AGMO: variants seen among roughly 807,000 people sequenced by gnomAD.
AGMO encodes glyceryl-ether monooxygenase.
A neutral mutation model predicts 60.2 loss-of-function variants in AGMO; 75 were observed. That is an observed-to-expected ratio of 1.25 (90% confidence interval 1.03 to 1.51). The LOEUF (loss-of-function observed/expected upper bound fraction) is 1.51, where lower values mean the gene tolerates loss of function less well. Among genes scored for constraint, AGMO ranks in the 40% most tolerant of loss-of-function variants. The pLI, the probability that AGMO is intolerant of heterozygous loss-of-function variation, is 0.00. For synonymous variants in AGMO, 261 were observed against 177.1 expected, an observed-to-expected ratio of 1.47 and a Z score of -3.76; for missense variants, 763 against 525.5, an observed-to-expected ratio of 1.45 and a Z score of -4.42.
chr7:15,413,045 T>G (rs982186944), intron 5 of AGMO, among the ~76,000 whole-genome samples: 1 of 152,150 alleles, frequency 6.6e-6, no homozygotes, highest in African/African-American at 2.4e-5. Flanking sequence ...GAACCAGATA[T>G]TGGAATTAGC....
At chr7:15,164,215 C>G in the AGMO span, among the ~76,000 whole-genome samples, 1 of 152,016 alleles carries the variant, frequency 6.6e-6, no homozygotes. Flanking sequence ...AGCTTGACCC[C>G]TATCTCTCAC....
At chr7:15,301,512 T>A (rs970737160) in intron 12 of AGMO, among the ~76,000 whole-genome samples, 3 of 151,986 alleles carry the variant, frequency 2.0e-5, no homozygotes, top group African/African-American at 2.4e-5. Flanking sequence ...TGTTTTTTTT[T>A]AAACCAACTA....
At chr7:15,422,277 A>ATT (rs140049520) in intron 4 of AGMO, among the ~76,000 whole-genome samples, 1 of 150,806 alleles carries the variant, frequency 6.6e-6, no homozygotes, top group Non-Finnish European at 1.5e-5. Flanking sequence ...TTACCTGTTT[A>ATT]TTTTTTTTTA....
chr7:15,356,175 C>T (rs1333590558), intron 12 of AGMO, among the ~76,000 whole-genome samples: 1 of 152,154 alleles, frequency 6.6e-6, no homozygotes, highest in African/African-American at 2.4e-5. Context: ...AGCACATTTG[C>T]TACAATCCAG....
chr7:15,303,436 GA>G (rs141119048), intron 12 of AGMO, among the ~76,000 whole-genome samples: 15 of 147,938 alleles, frequency 1.0e-4, no homozygotes, highest in East Asian at 4.0e-4. Flanking sequence ...TGGAAAAACA[GA>G]AAAAAAAAAG....
At chr7:15,382,488 G>T (rs1432105177) in intron 10 of AGMO, among the ~76,000 whole-genome samples, 10 of 152,142 alleles carry the variant, frequency 6.6e-5, no homozygotes, top group Admixed American at 6.5e-4. Flanking sequence ...GGCATGAAAG[G>T]AAGTTCGCTC....
At chr7:15,292,392 G>A (rs1305931819) in intron 12 of AGMO, among the ~76,000 whole-genome samples, 2 of 152,280 alleles carry the variant, frequency 1.3e-5, no homozygotes, top group Non-Finnish European at 1.5e-5. Flanking sequence ...CTAGTGGGCT[G>A]AATGGCTGAC....
intron 12 of AGMO, among the ~76,000 whole-genome samples, chr7:15,339,505 G>A (rs945205264): frequency 4.6e-5 from 7 of 152,194 alleles, no homozygotes; most frequent in African/African-American, 1.7e-4. Flanking sequence ...CTGGAATTAT[G>A]TCAGAAGAGT....
At chr7:15,143,720 A>T in the AGMO span, among the ~76,000 whole-genome samples, 1 of 150,796 alleles carries the variant, frequency 6.6e-6, no homozygotes, top group South Asian at 2.1e-4. Flanking sequence ...AAACACATGT[A>T]AAACATATAC....
At chr7:15,450,304 C>T (rs1781824009) in intron 3 of AGMO, among the ~76,000 whole-genome samples, 1 of 151,506 alleles carries the variant, frequency 6.6e-6, no homozygotes, top group Non-Finnish European at 1.5e-5. Flanking sequence ...CATGTAGTCC[C>T]AGCGACTCGG....
chr7:15,197,100 C>T (rs1781137848), downstream of AGMO, among the ~76,000 whole-genome samples: 1 of 151,802 alleles, frequency 6.6e-6, no homozygotes. Context: ...AGCCAAGCTG[C>T]TTCCATCATG....
At chr7:15,202,235 G>C (rs1297106158) in intron 12 of AGMO, among the ~76,000 whole-genome samples, 3 of 151,770 alleles carry the variant, frequency 2.0e-5, no homozygotes, top group Non-Finnish European at 4.4e-5. Flanking sequence ...TCCCCAAGAA[G>C]AATATCACTA....
intron 12 of AGMO, among the ~76,000 whole-genome samples, chr7:15,351,668 T>G (rs1371486430): frequency 6.6e-6 from 1 of 152,146 alleles, no homozygotes; most frequent in Non-Finnish European, 1.5e-5. Context: ...TTTAGGAAAA[T>G]AATGACATGT....
At chr7:15,281,325 C>A (rs1309560456) in intron 12 of AGMO, among the ~76,000 whole-genome samples, 1 of 152,156 alleles carries the variant, frequency 6.6e-6, no homozygotes, top group South Asian at 2.1e-4. Context: ...GGGCTTCCAC[C>A]ATGGGAGCTT....
At chr7:15,324,329 A>G (rs995653464) in intron 12 of AGMO, among the ~76,000 whole-genome samples, 2 of 152,078 alleles carry the variant, frequency 1.3e-5, no homozygotes, top group African/African-American at 4.8e-5. Context: ...TTGTCTCCCA[A>G]TCCTGTAAGT....
intron 12 of AGMO, among the ~76,000 whole-genome samples, chr7:15,243,807 C>A (rs929021447): frequency 6.6e-6 from 1 of 152,094 alleles, no homozygotes; most frequent in Non-Finnish European, 1.5e-5. Flanking sequence ...CCACAATTAC[C>A]TCTAAGCCAC....
At chr7:15,367,971 A>C (rs1269664192) in intron 10 of AGMO, among the ~76,000 whole-genome samples, 1 of 152,096 alleles carries the variant, frequency 6.6e-6, no homozygotes, top group Non-Finnish European at 1.5e-5. Flanking sequence ...GCTCACATGC[A>C]GTACTGTAGC....
chr7:15,363,932 A>AT (rs1161272813), intron 12 of AGMO, among the ~76,000 whole-genome samples: 3 of 151,812 alleles, frequency 2.0e-5, no homozygotes, highest in Non-Finnish European at 2.9e-5. Flanking sequence ...TGATTTTATG[A>AT]TTTTTTTCAG....
chr7:15,543,841 C>A (rs1318913380), intron 3 of AGMO, among the ~76,000 whole-genome samples: 1 of 151,404 alleles, frequency 6.6e-6, no homozygotes, highest in African/African-American at 2.4e-5. Flanking sequence ...ATTGCCGGAT[C>A]AAATGGTGGA....
Sources: allele counts gnomAD v4.1 joint callset (sites outside exome capture counted in the v4.1 genomes callset), GRCh38; gene constraint gnomAD v4.1.1; transcripts MANE v1.5; gene names NCBI Gene and HGNC (gene_info 2026-07-23, HGNC 2026-07-21).